WNT7B: variants seen among roughly 807,000 people sequenced by gnomAD.
The protein encoded by WNT7B is protein Wnt-7b.
In WNT7B, 19 loss-of-function variants were observed where a neutral mutation model predicts 38.2. The ratio of observed to expected loss-of-function variants is 0.50; its 90% CI spans 0.35 to 0.73. WNT7B has a LOEUF of 0.73. Ranked by LOEUF, WNT7B falls within the 30% of genes least tolerant of loss-of-function variation. The pLI, the probability that WNT7B is intolerant of heterozygous loss-of-function variation, is 0.01. For missense variants in WNT7B, 423 were observed against 507.9 expected (o/e 0.83, Z 1.61); for synonymous variants, 243 against 209.3 (o/e 1.16, Z -1.39).
chr22:45,923,388 C>G, intron 3 of WNT7B, 53 bp from the exon 4 acceptor site: 2 of 1,544,022 alleles, frequency 1.3e-6, no homozygotes, highest in Non-Finnish European at 1.7e-6. Flanking sequence ...CTGGGCCCCT[C>G]TAGGTTCCCC....
At chr22:45,923,949 C>T (rs933683560) in intron 3 of WNT7B, among the ~76,000 whole-genome samples, 4 of 152,212 alleles carry the variant, frequency 2.6e-5, no homozygotes, top group East Asian at 1.9e-4. Flanking sequence ...AGCCCCGGCC[C>T]GCCCGCTGTT....
intron 1 of WNT7B, among the ~76,000 whole-genome samples, chr22:45,958,687 C>G (rs375871497): frequency 2.0e-5 from 3 of 152,320 alleles, no homozygotes; most frequent in South Asian, 2.1e-4. Context: ...GGAGCGAGCA[C>G]GGCTGGAACC....
rs1397029434 is a variant in WNT7B at position 45,965,726 on chromosome 22, C to G, written c.71+10958G>C. 6.6e-6 allele frequency among the ~76,000 whole-genome samples: 1 copy of G among 152,188 alleles called. No individual in the cohort carries two copies. The highest frequency in any genetic ancestry group is 6.5e-5 in the Admixed American group (1 of 15,280). ...AGAAGGCCTCTGGGCTTCCCATACC[C>G]GCAGGACAGCTGCACCTCTGGTCCC... On this transcript the variant is annotated intron_variant, in intron 1 of 3. Coordinates refer to ENST00000339464, the MANE Select transcript of WNT7B (RefSeq NM_058238.3). The surrounding 1 kb of genome is among the most constrained non-coding windows in gnomAD (Gnocchi z 6.5).
intron 2 of WNT7B, among the ~76,000 whole-genome samples, chr22:45,939,511 C>T (rs1432723917): frequency 2.0e-5 from 3 of 152,236 alleles, no homozygotes; most frequent in South Asian, 2.1e-4. Flanking sequence ...TCAAACATAT[C>T]GGCTGGGCAC....
At chr22:45,963,875 C>A (rs1336929870) in intron 1 of WNT7B, among the ~76,000 whole-genome samples, 3 of 152,198 alleles carry the variant, frequency 2.0e-5, no homozygotes, top group African/African-American at 7.2e-5. Flanking sequence ...TCACACCGCA[C>A]ACCCTGCCTG....
At chr22:45,970,497 C>T (rs1932409907) in intron 1 of WNT7B, among the ~76,000 whole-genome samples, 1 of 152,108 alleles carries the variant, frequency 6.6e-6, no homozygotes, top group African/African-American at 2.4e-5. Flanking sequence ...GCTTCTGGGG[C>T]CCCTGCGCAC....
chr22:45,977,090 T>A lies in WNT7B; in HGVS notation c.-336A>T. 1.1e-6 allele frequency: 1 copy of A among 889,198 alleles called. No homozygotes were observed. The highest frequency in any genetic ancestry group is 1.3e-6 in the Non-Finnish European group (1 of 742,306). The allele number at this position is 889,198 out of a possible 1,614,324, so 55.1% of individuals were successfully genotyped here. On this transcript the variant is annotated 5_prime_UTR_variant, in exon 1 of 4. Transcript: ENST00000339464. ...GCAGCCTGCACTAGGCGCAGCCGCCTGAGGCCGTGAGCGCCTCGCCGAGCG... is the reference window on the plus strand; with the variant it reads ...GCAGCCTGCACTAGGCGCAGCCGCCAGAGGCCGTGAGCGCCTCGCCGAGCG...
At chr22:45,972,116 G>GGGGCCCCCCCCCCCCCCCCCC in intron 1 of WNT7B, 7 of 530,732 alleles carry the variant, frequency 1.3e-5, no homozygotes, top group Non-Finnish European at 1.3e-5. Flanking sequence ...CCCGGGGGGA[G>GGGGCCCCCCCCCCCCCCCCCC]CCCACCCGCC....
At chr22:45,968,078 C>A (rs982695462) in intron 1 of WNT7B, among the ~76,000 whole-genome samples, 1 of 152,178 alleles carries the variant, frequency 6.6e-6, no homozygotes, top group African/African-American at 2.4e-5. Context: ...GCAAGATGTT[C>A]TGAGCCTCCC....
chr22:45,934,074 A>G (rs182455443), intron 2 of WNT7B, among the ~76,000 whole-genome samples: 7 of 152,322 alleles, frequency 4.6e-5, no homozygotes, highest in African/African-American at 1.7e-4. Context: ...ATGCGCTCCC[A>G]TTTCACCTGG....
At position 45,976,594 on chromosome 22, in the gene WNT7B, AGTCCCCAC is replaced by A. The variant is rs898465622; in HGVS notation, c.71+82_71+89del. 50 of 1,390,038 alleles carry A rather than the reference AGTCCCCAC, an allele frequency of 3.6e-5. 1 individual carries two copies. The highest frequency in any genetic ancestry group is 2.5e-4 in the African/African-American group (17 of 69,366). The allele number at this position is 1,390,038 out of a possible 1,614,324, so 86.1% of individuals were successfully genotyped here. On this transcript the variant is annotated intron_variant, in intron 1 of 3. Coordinates refer to ENST00000339464, the MANE Select transcript of WNT7B (RefSeq NM_058238.3). The surrounding 1 kb of genome is among the most constrained non-coding windows in gnomAD (Gnocchi z 8.5). ...CCAGAGAGCTGCAGTGGCCCCCTCC[AGTCCCCAC>A]GTCCCCACGGGGACGCCCCGGAGGC...
At chr22:45,949,806 G>A in intron 2 of WNT7B, 114 bp downstream of exon 2, 1 of 1,013,768 alleles carries the variant, frequency 9.9e-7, no homozygotes, top group Non-Finnish European at 1.4e-6. Flanking sequence ...CAAAGAAATT[G>A]GCCCCCCAGG....
intron 3 of WNT7B, chr22:45,927,462 A>G (rs4072176): frequency 0.071 from 109,859 of 1,549,636 alleles, 4,340 homozygotes; most frequent in African/African-American, 0.14. Flanking sequence ...CAACCCCCCA[A>G]ATTCATGTCT....
At chr22:45,957,197 T>C (rs1932086689) in intron 1 of WNT7B, among the ~76,000 whole-genome samples, 1 of 151,728 alleles carries the variant, frequency 6.6e-6, no homozygotes, top group African/African-American at 2.4e-5. Context: ...TGGCACCAAC[T>C]GAGAGTGAGC....
chr22:45,973,399 G>C (rs965071996), intron 1 of WNT7B, among the ~76,000 whole-genome samples: 1 of 152,218 alleles, frequency 6.6e-6, no homozygotes, highest in Non-Finnish European at 1.5e-5. Flanking sequence ...CTGGCCCGTC[G>C]TCCTGAGGAA....
Position 45,922,817 on chromosome 22 carries a change from C to G in WNT7B, c.*39G>C. 1 of 1,561,964 alleles carries G rather than the reference C, an allele frequency of 6.4e-7. No individual in the cohort carries two copies. The highest frequency in any genetic ancestry group is 8.7e-7 in the Non-Finnish European group (1 of 1,150,926). ...GAGGAGTGGATGTGCAAAATGCCGC[C>G]GGGTTCCAGGGTGCCCGCGGCCGCC... On this transcript the variant is annotated 3_prime_UTR_variant, in exon 4 of 4. Coordinates refer to ENST00000339464, the MANE Select transcript of WNT7B (RefSeq NM_058238.3).
intron 3 of WNT7B, chr22:45,926,399 G>A (rs745515887): frequency 2.6e-5 from 26 of 985,306 alleles, no homozygotes; most frequent in African/African-American, 1.0e-4. Flanking sequence ...TGGGCAGGGG[G>A]GTGGTGGACT....
rs1462373918 is a variant in WNT7B at position 45,972,304 on chromosome 22, C to A, written c.71+4380G>T. 1.9e-5 allele frequency: 10 copies of A among 520,802 alleles called. No homozygotes were observed. The African/African-American group carries it at 2.1e-4, about 11-fold the overall frequency. 32.3% of individuals were successfully genotyped at this position (520,802 alleles called of 1,614,324 possible). ...GCCGGGCGCCTGGGCCAGCTGAGGC[C>A]GGGGTCCCCGCGGAGCTCCCCGATG... On this transcript the variant is annotated intron_variant, in intron 1 of 3. Transcript: ENST00000339464.
rs1482858164 is a variant in WNT7B at position 45,966,229 on chromosome 22, C to T, written c.71+10455G>A. On this transcript the variant is annotated intron_variant, in intron 1 of 3. Transcript: ENST00000339464. This position sits in a 1 kb window ranked among gnomAD's most constrained non-coding sequence, Gnocchi z 4.2. ...CCTGTGTCCCCCAGGCGGGGGTCTG[C>T]AGGGCAGGCAGTGCATTCTGGAGGA... 6.6e-6 allele frequency among the ~76,000 whole-genome samples: 1 copy of T among 152,222 alleles called. No individual in the cohort carries two copies. Among genetic ancestry groups the T allele is most frequent in the Non-Finnish European group, 1.5e-5 (1 of 68,034 alleles).
Sources: allele counts gnomAD v4.1 joint callset (sites outside exome capture counted in the v4.1 genomes callset), GRCh38; gene constraint gnomAD v4.1.1; non-coding constraint Gnocchi (gnomAD v3.1); transcripts MANE v1.5; gene names NCBI Gene and HGNC (gene_info 2026-07-23, HGNC 2026-07-21).